The following AOPEP variants were observed in gnomAD, a reference collection of about 807,000 sequenced individuals.
AOPEP encodes the protein aminopeptidase O.
Under a neutral mutation model 98.1 loss-of-function variants are expected in AOPEP, and 77 were observed. The ratio of observed to expected loss-of-function variants is 0.78; its 90% confidence interval spans 0.65 to 0.95. AOPEP has a LOEUF of 0.95. Among genes scored for constraint, AOPEP ranks in the 40% least tolerant of loss-of-function variants. AOPEP has a pLI of 0.00. For synonymous variants in AOPEP, 346 were observed against 365.3 expected (o/e 0.95, Z 0.60); for missense variants, 1,024 against 1,024.7 (o/e 1.00, Z 0.01).
intron 1 of AOPEP, among the ~76,000 whole-genome samples, chr9:94,747,016 C>A (rs1052743306): frequency 6.7e-6 from 1 of 148,708 alleles, no homozygotes; most frequent in Non-Finnish European, 1.5e-5. Context: ...TTTTATAATT[C>A]CCACAACAGC....
intron 7 of AOPEP, among the ~76,000 whole-genome samples, chr9:94,940,416 G>A (rs1355320789): frequency 6.6e-6 from 1 of 152,044 alleles, no homozygotes; most frequent in Non-Finnish European, 1.5e-5. Flanking sequence ...GATCAGCCTG[G>A]CCAACATGGT....
At chr9:94,907,881 G>T (rs1312706589) in intron 5 of AOPEP, among the ~76,000 whole-genome samples, 2 of 152,190 alleles carry the variant, frequency 1.3e-5, no homozygotes, top group East Asian at 3.9e-4. Context: ...TTCCTCATTT[G>T]CTCTCTGGAG....
chr9:95,038,837 C>T (rs1318266810), intron 13 of AOPEP, among the ~76,000 whole-genome samples: 4 of 152,160 alleles, frequency 2.6e-5, no homozygotes, highest in East Asian at 1.9e-4. Context: ...TCAGTGCCTC[C>T]GTTGCCGCCA....
At chr9:94,796,009 C>T (rs1227419225) in intron 4 of AOPEP, among the ~76,000 whole-genome samples, 1 of 152,202 alleles carries the variant, frequency 6.6e-6, no homozygotes, top group East Asian at 1.9e-4. Context: ...CAGTTACCAG[C>T]CCAGCTGGAC....
chr9:94,863,134 G>A lies in AOPEP; in HGVS notation c.1365-60852G>A, dbSNP rs1253149009. Among the ~76,000 whole-genome samples the A allele has an allele frequency of 1.1e-4, 16 of 152,228 alleles. 1 individual carries two copies. The East Asian group carries it at 3.1e-3, about 29-fold the overall frequency. On this transcript the variant is annotated intron_variant, in intron 5 of 16. Transcript: ENST00000375315. The stretch of plus-strand genomic sequence containing the variant: ...ATGAAACAAGGGCACAGGTAGAGAG[G>A]CCAGGGTGGAGTGGGAACCGGGGCT...
chr9:94,728,239 G>GCGCGCGCGCGCACACACACA (rs113657409), intron 1 of AOPEP, among the ~76,000 whole-genome samples: 72 of 146,606 alleles, frequency 4.9e-4, no homozygotes, highest in Non-Finnish European at 7.8e-4. Flanking sequence ...GTGCGCGCAT[G>GCGCGCGCGCGCACACACACA]CACACACACA....
chr9:94,986,530 A>AT (rs1244460963), intron 11 of AOPEP, among the ~76,000 whole-genome samples: 1 of 152,192 alleles, frequency 6.6e-6, no homozygotes, highest in Non-Finnish European at 1.5e-5. Flanking sequence ...TTATTCCCCT[A>AT]TGGATGAATA....
At chr9:94,953,064 G>A (rs529189599) in intron 7 of AOPEP, among the ~76,000 whole-genome samples, 114 of 152,288 alleles carry the variant, frequency 7.5e-4, no homozygotes, top group South Asian at 2.1e-3. Flanking sequence ...CAAAAAAGAC[G>A]CACGGCAACT....
At chr9:95,036,973 T>C (rs2064887270) in intron 13 of AOPEP, among the ~76,000 whole-genome samples, 1 of 152,212 alleles carries the variant, frequency 6.6e-6, no homozygotes, top group African/African-American at 2.4e-5. Flanking sequence ...TGCATTCCAG[T>C]GTGCTACTTG....
At chr9:94,812,936 G>C (rs1050872636) in intron 5 of AOPEP, among the ~76,000 whole-genome samples, 12 of 152,174 alleles carry the variant, frequency 7.9e-5, no homozygotes, top group Non-Finnish European at 1.6e-4. Context: ...CCAAAGTGAG[G>C]ATGGCTGCCT....
At chr9:95,041,456 T>TGTGC (rs1272612342) in intron 13 of AOPEP, among the ~76,000 whole-genome samples, 1 of 151,034 alleles carries the variant, frequency 6.6e-6, no homozygotes, top group Non-Finnish European at 1.5e-5. Context: ...GGTGTGTGTG[T>TGTGC]GTGTGTGTGT....
chr9:94,894,321 A>T (rs1006656698), intron 5 of AOPEP, among the ~76,000 whole-genome samples: 1 of 152,212 alleles, frequency 6.6e-6, no homozygotes, highest in East Asian at 1.9e-4. Flanking sequence ...GGCTAACTGC[A>T]TTAAGAGGGG....
chr9:94,923,667 G>T (rs750605900), intron 5 of AOPEP, among the ~76,000 whole-genome samples: 7 of 152,172 alleles, frequency 4.6e-5, no homozygotes, highest in Non-Finnish European at 1.0e-4. Flanking sequence ...TTACAGTCCA[G>T]ATTTCAGAGT....
intron 1 of AOPEP, among the ~76,000 whole-genome samples, chr9:94,751,711 T>TTA (rs1318276419): frequency 6.6e-6 from 1 of 152,042 alleles, no homozygotes. Flanking sequence ...GCCTCTAATG[T>TTA]TATACAATGA....
intron 1 of AOPEP, among the ~76,000 whole-genome samples, chr9:94,728,512 GTTC>G (rs1489392955): frequency 5.9e-5 from 9 of 152,212 alleles, no homozygotes; most frequent in Admixed American, 3.9e-4. Context: ...GTCGAGGACA[GTTC>G]TTCTAAGGAA....
intron 5 of AOPEP, among the ~76,000 whole-genome samples, chr9:94,848,157 C>G (rs2043082827): frequency 6.6e-6 from 1 of 152,086 alleles, no homozygotes. Context: ...ATAAGTAAAA[C>G]ATGGATCTTG....
At chr9:95,141,995 T>TG in the AOPEP span, among the ~76,000 whole-genome samples, 749 of 141,060 alleles carry the variant, frequency 5.3e-3, 7 homozygotes, top group African/African-American at 0.019. Context: ...GTTTTTTTTT[T>TG]TTTTTTTTTT....
chr9:94,844,720 C>G (rs989637949), intron 5 of AOPEP, among the ~76,000 whole-genome samples: 2 of 152,176 alleles, frequency 1.3e-5, no homozygotes, highest in African/African-American at 4.8e-5. Flanking sequence ...ACTCTTGACA[C>G]TGGGGTACCA....
chr9:94,883,998 T>C (rs1394118571), intron 5 of AOPEP, among the ~76,000 whole-genome samples: 2 of 152,154 alleles, frequency 1.3e-5, no homozygotes, highest in East Asian at 3.9e-4. Flanking sequence ...GACCCCAAGA[T>C]AGAGTTTCCT....
Sources: gnomAD v4.1 joint callset for allele counts (sites outside exome capture counted in the v4.1 genomes callset) on GRCh38, gnomAD v4.1.1 for gene constraint, MANE v1.5 for transcripts, NCBI Gene and HGNC (gene_info 2026-07-23, HGNC 2026-07-21) for gene names.